PCDHB15: variants seen among roughly 807,000 people sequenced by gnomAD.
PCDHB15 encodes the protein protocadherin beta-15.
For synonymous variants in PCDHB15, 492 were observed against 447.9 expected (o/e 1.10, Z -1.24); for missense variants, 1,032 against 991.7 (o/e 1.04, Z -0.55).
chr5:141,248,109 T>C lies in PCDHB15; in HGVS notation c.*167T>C. On this transcript the variant is annotated 3_prime_UTR_variant, in exon 1 of 1. Coordinates refer to ENST00000231173, the MANE Select transcript of PCDHB15 (RefSeq NM_018935.4). Reference sequence around the variant, plus strand: ...CTTTGTCTGATTGTTAGTTTTCAAATTATTGTATTATTATAAATATTTTAT... The same window carrying C: ...CTTTGTCTGATTGTTAGTTTTCAAACTATTGTATTATTATAAATATTTTAT... 2 of 533,446 alleles carry C rather than the reference T, an allele frequency of 3.7e-6. No individual in the cohort carries two copies. The highest frequency in any genetic ancestry group is 6.8e-5 in the East Asian group (2 of 29,282). 33.0% of individuals were successfully genotyped at this position (533,446 alleles called of 1,614,324 possible).
chr5:141,247,199 C>A lies in PCDHB15; in HGVS notation c.1621C>A (p.Leu541Met), dbSNP rs3096081. 1.9e-6 allele frequency: 3 copies of A among 1,612,346 alleles called. No homozygotes were observed. Among genetic ancestry groups the A allele is most frequent in the Non-Finnish European group, 1.7e-6 (2 of 1,179,740 alleles). The change falls in exon 1 of 1, where the codon CTG (leucine) becomes ATG (methionine). Residue 541 changes from leucine to methionine, a missense_variant. Physicochemically the swap from Leu to Met is conservative, Grantham distance 15 (BLOSUM62 2). Transcript: ENST00000231173. ...CGCCACAGACCGCGGCTTCCCGGCG[C>A]TGAGCAGCGAGGCGCTGGTGCGAGT... ...VGATDRGFPA[L>M]SSEALVRVLV...
rs1554291986 is a variant in PCDHB15, at chr5:141,246,675, C to T, written c.1097C>T (p.Ala366Val). The T allele has an allele frequency of 1.9e-6, 3 of 1,613,954 alleles. No individual in the cohort carries two copies. The highest frequency in any genetic ancestry group is 2.5e-6 in the Non-Finnish European group (3 of 1,180,016). ...GAGAATTCTCCAGAGACAGAAGTGGCCCTGTTTAGGATTAGAGACCGAGAC... is the reference window on the plus strand; with the variant it reads ...GAGAATTCTCCAGAGACAGAAGTGGTCCTGTTTAGGATTAGAGACCGAGAC... ...IPENSPETEV[A>V]LFRIRDRDSG... Residue 366 changes from alanine to valine, a missense_variant, in exon 1 of 1, where the codon GCC becomes GTC. Physicochemically the swap from Ala to Val is moderately conservative, Grantham distance 64 (BLOSUM62 0). Transcript: ENST00000231173.
chr5:141,246,158 C>G lies in PCDHB15; in HGVS notation c.580C>G (p.Leu194Val). ...TRGDGRKYPE[L>V]VLDTELDREE... ...AGGGGATGGCAGGAAATACCCAGAG[C>G]TGGTGCTGGACACAGAACTGGATCG... The change falls in exon 1 of 1, where the codon CTG (leucine) becomes GTG (valine). Residue 194 changes from leucine (L) to valine (V), a missense_variant. Physicochemically the swap from Leu to Val is conservative, Grantham distance 32 (BLOSUM62 1). Coordinates refer to ENST00000231173, the MANE Select transcript of PCDHB15 (RefSeq NM_018935.4). 3.1e-6 allele frequency: 5 copies of G among 1,614,210 alleles called. No homozygotes were observed. The highest frequency in any genetic ancestry group is 4.2e-6 in the Non-Finnish European group (5 of 1,180,040).
chr5:141,246,954 T>C lies in PCDHB15; in HGVS notation c.1376T>C (p.Phe459Ser), dbSNP rs1554292064. Reference sequence around the variant, plus strand: ...TTCACCCAAACCTCCTACACCCTGTTCGTCCGCGAGAACAACAGCCCCGCC... The same window carrying C: ...TTCACCCAAACCTCCTACACCCTGTCCGTCCGCGAGAACAACAGCCCCGCC... ...PAFTQTSYTL[F>S]VRENNSPALH... is the part of the protein sequence containing the mutation. Residue 459 changes from phenylalanine to serine, a missense_variant, in exon 1 of 1, where the codon TTC becomes TCC. Coordinates refer to ENST00000231173, the MANE Select transcript of PCDHB15 (RefSeq NM_018935.4). 2.5e-6 allele frequency: 4 copies of C among 1,613,376 alleles called. No individual in the cohort carries two copies. In the Admixed American group the frequency reaches 6.7e-5, roughly 27 times the overall value.
rs1230398210 is a variant in PCDHB15 at position 141,249,149 on chromosome 5, C to G, written c.*1207C>G. 2 of 152,190 alleles carry G rather than the reference C, an allele frequency of 1.3e-5. No individual in the cohort carries two copies. Among genetic ancestry groups the G allele is most frequent in the African/African-American group, 4.8e-5 (2 of 41,434 alleles). 9.4% of individuals were successfully genotyped at this position (152,190 alleles called of 1,614,324 possible). ...AAATAGGGAGACTCTCCTAGATAAT[C>G]TGGGTGGGTCTATTTCAATCAGTGG... On this transcript the variant is annotated 3_prime_UTR_variant, in exon 1 of 1. Coordinates refer to ENST00000231173, the MANE Select transcript of PCDHB15 (RefSeq NM_018935.4).
Position 141,245,689 on chromosome 5 carries a change from G to A in PCDHB15, c.111G>A (p.Glu37=), listed in dbSNP as rs142630345. 90 of 1,614,224 alleles carry A rather than the reference G, an allele frequency of 5.6e-5. No individual in the cohort carries two copies. The East Asian group carries it at 1.8e-3, about 32-fold the overall frequency. ...AACCCCGTCGCTATTCTGTGATGGA[G>A]GAAACAGAGAGAGGTTCTTTTGTAG... ...GWEPRRYSVM[E]ETERGSFVAN... is the part of the protein sequence containing the mutation. The change falls in exon 1 of 1, where the codon GAG becomes GAA. Residue 37 remains glutamate (E), a synonymous_variant. Coordinates refer to ENST00000231173, the MANE Select transcript of PCDHB15 (RefSeq NM_018935.4).
In PCDHB15 at chr5:141,245,792, G is replaced by C. The variant is rs1218308425; in HGVS notation, c.214G>C (p.Glu72Gln). 6.2e-7 allele frequency: 1 copy of C among 1,614,182 alleles called. No individual in the cohort carries two copies. Among genetic ancestry groups the C allele is most frequent in the Admixed American group, 1.7e-5 (1 of 60,024 alleles). ...AGCCCGGGTAGTTTCTGAGGATAAC[G>C]AACAAGGCTTGCAGCTTGATCTGCA... Reference protein sequence around the residue: ...RGARVVSEDNEQGLQLDLQTG... With the variant: ...RGARVVSEDNQQGLQLDLQTG... Residue 72 changes from glutamate to glutamine, a missense_variant, in exon 1 of 1, where the codon GAA (glutamate) becomes CAA (glutamine). Transcript: ENST00000231173.
In PCDHB15 at chr5:141,245,598, G is replaced by T; in HGVS notation, c.20G>T (p.Arg7Leu). 6.2e-7 allele frequency: 1 copy of T among 1,614,198 alleles called. No individual in the cohort carries two copies. Among genetic ancestry groups the T allele is most frequent in the Non-Finnish European group, 8.5e-7 (1 of 1,180,008 alleles). Residue 7 changes from arginine (R) to leucine (L), a missense_variant, in exon 1 of 1, where the codon CGC becomes CTC. Transcript: ENST00000231173. ...GTAAAGATGGAGCCTGCAGGGGAGCGCTTTCCCGAACAAAGGCAAGTCCTG... is the reference window on the plus strand; with the variant it reads ...GTAAAGATGGAGCCTGCAGGGGAGCTCTTTCCCGAACAAAGGCAAGTCCTG... MEPAGERFPEQRQVLIL... is the reference protein window; with the variant it reads MEPAGELFPEQRQVLIL...
In PCDHB15 at chr5:141,246,551, G is replaced by A; in HGVS notation, c.973G>A (p.Gly325Arg). Residue 325 changes from glycine (G) to arginine (R), a missense_variant, in exon 1 of 1, where the codon GGG becomes AGG. By Grantham distance (125) the Gly-to-Arg change is moderately radical (BLOSUM62 -2). Coordinates refer to ENST00000231173, the MANE Select transcript of PCDHB15 (RefSeq NM_018935.4). ...YDLDIEASDGGGLSGKCSVSV... is the reference protein window; with the variant it reads ...YDLDIEASDGRGLSGKCSVSV... ...TCTAGATATAGAGGCATCTGATGGC[G>A]GGGGACTTTCTGGAAAATGCTCTGT... 3 of 1,614,156 alleles carry A rather than the reference G, an allele frequency of 1.9e-6. No homozygotes were observed. The highest frequency in any genetic ancestry group is 2.5e-6 in the Non-Finnish European group (3 of 1,180,026).
Position 141,246,583 on chromosome 5 carries a change from TAA to T in PCDHB15, c.1006_1007del (p.Lys336GlyfsTer5). 6.2e-7 allele frequency: 1 copy of T among 1,614,204 alleles called. No individual in the cohort carries two copies. Among genetic ancestry groups the T allele is most frequent in the East Asian group, 2.2e-5 (1 of 44,882 alleles). On this transcript the variant is annotated frameshift_variant, in exon 1 of 1. Transcript: ENST00000231173. LOFTEE classifies it low-confidence loss of function (END_TRUNC). ...GLSGKCSVSV[K>X]VLDVNDNFPE... is the part of the protein sequence containing the mutation. ...TTTCTGGAAAATGCTCTGTCTCTGT[TAA>T]GGTGCTGGATGTTAACGATAACTTC...
rs781899701 is a variant in PCDHB15 at position 141,246,875 on chromosome 5, A to C, written c.1297A>C (p.Thr433Pro). Residue 433 changes from threonine to proline, a missense_variant, in exon 1 of 1, where the codon ACC becomes CCC. Thr to Pro is a conservative substitution (Grantham distance 38, BLOSUM62 -1). Transcript: ENST00000231173. ...AGACTTGGGGACTCCAAGGCTGAAA[A>C]CCGAGCAGAGCATAACCGTGCTGGT... Reference protein sequence around the residue: ...ITDLGTPRLKTEQSITVLVSD... With the variant: ...ITDLGTPRLKPEQSITVLVSD... 3.1e-6 allele frequency: 5 copies of C among 1,613,944 alleles called. No individual in the cohort carries two copies. Among genetic ancestry groups the C allele is most frequent in the Non-Finnish European group, 3.4e-6 (4 of 1,180,022 alleles).
rs782527376 is a variant in PCDHB15 at position 141,247,179 on chromosome 5, C to T, written c.1601C>T (p.Thr534Ile). 6.2e-7 allele frequency: 1 copy of T among 1,613,112 alleles called. No homozygotes were observed. The highest frequency in any genetic ancestry group is 1.3e-5 in the African/African-American group (1 of 74,922). Residue 534 changes from threonine to isoleucine, a missense_variant, in exon 1 of 1, where the codon ACA becomes ATA. Transcript: ENST00000231173. ...LQAFEFRVGA[T>I]DRGFPALSSE... ...GCTTTCGAGTTCCGCGTGGGCGCCA[C>T]AGACCGCGGCTTCCCGGCGCTGAGC...
rs539155202 is a variant in PCDHB15, at chr5:141,246,907, C to A, written c.1329C>A (p.Asp443Glu). The A allele has an allele frequency of 1.8e-5, 29 of 1,613,774 alleles. No homozygotes were observed. The South Asian group carries it at 3.1e-4, about 17-fold the overall frequency. The part of the protein sequence containing the change: ...TEQSITVLVS[D>E]VNDNAPAFTQ... Reference sequence around the variant, plus strand: ...AGAGCATAACCGTGCTGGTGTCGGACGTCAATGACAACGCCCCCGCCTTCA... The same window carrying A: ...AGAGCATAACCGTGCTGGTGTCGGAAGTCAATGACAACGCCCCCGCCTTCA... Residue 443 changes from aspartate to glutamate, a missense_variant, in exon 1 of 1, where the codon GAC (aspartate) becomes GAA (glutamate). Physicochemically the swap from Asp to Glu is conservative, Grantham distance 45 (BLOSUM62 2). Transcript: ENST00000231173.
Position 141,247,678 on chromosome 5 carries a change from C to T in PCDHB15, c.2100C>T (p.Leu700=), listed in dbSNP as rs1755314284. ...TGGCATTGGCCTCGGTGTCTTCGCT[C>T]TTCCTCTTCTCGGTGTTCCTGTTCG... is the stretch of plus-strand genomic sequence containing the variant. ...LVVALASVSS[L]FLFSVFLFVA... Residue 700 remains leucine, a synonymous_variant, in exon 1 of 1, where the codon CTC becomes CTT. Transcript: ENST00000231173. 1.2e-6 allele frequency: 2 copies of T among 1,610,838 alleles called. No individual in the cohort carries two copies. Among genetic ancestry groups the T allele is most frequent in the East Asian group, 4.5e-5 (2 of 44,876 alleles).
rs782247168 is a variant in PCDHB15 at position 141,246,351 on chromosome 5, G to T, written c.773G>T (p.Gly258Val). Residue 258 changes from glycine to valine, a missense_variant, in exon 1 of 1, where the codon GGC becomes GTC. Physicochemically the swap from Gly to Val is moderately radical, Grantham distance 109. Transcript: ENST00000231173. ...CAGGTCCCAGAGAACAGCCCAGTAGGCTCCCTAGTTGTCAAGGTCTCTGCT... is the reference window on the plus strand; with the variant it reads ...CAGGTCCCAGAGAACAGCCCAGTAGTCTCCCTAGTTGTCAAGGTCTCTGCT... ...EVQVPENSPV[G>V]SLVVKVSARD... 3.1e-6 allele frequency: 5 copies of T among 1,614,092 alleles called. 1 individual carries two copies. Among genetic ancestry groups the T allele is most frequent in the Middle Eastern group, 1.6e-4 (1 of 6,062 alleles).
Position 141,245,399 on chromosome 5 carries a change from C to T in PCDHB15, c.-180C>T. ...TGAAATGCTACTAGCTACTTCAGAC[C>T]TCTTTCAGCCTAAGAGGAAAGCCTG... is the stretch of plus-strand genomic sequence containing the variant. On this transcript the variant is annotated 5_prime_UTR_variant, in exon 1 of 1. Coordinates refer to ENST00000231173, the MANE Select transcript of PCDHB15 (RefSeq NM_018935.4). 2 of 581,468 alleles carry T rather than the reference C, an allele frequency of 3.4e-6. No homozygotes were observed. The highest frequency in any genetic ancestry group is 2.5e-5 in the South Asian group (1 of 40,346). The allele number at this position is 581,468 out of a possible 1,614,324, so 36.0% of individuals were successfully genotyped here. A position where few individuals can be genotyped will look rare whatever the true frequency, so the allele number is the denominator to read the frequency against.
rs782019589 is a variant in PCDHB15 at position 141,246,908 on chromosome 5, G to C, written c.1330G>C (p.Val444Leu). 5.6e-6 allele frequency: 9 copies of C among 1,613,694 alleles called. No homozygotes were observed. In the African/African-American group the frequency reaches 6.7e-5, roughly 12 times the overall value. Residue 444 changes from valine to leucine, a missense_variant, in exon 1 of 1, where the codon GTC (valine) becomes CTC (leucine). Transcript: ENST00000231173. Reference sequence around the variant, plus strand: ...GAGCATAACCGTGCTGGTGTCGGACGTCAATGACAACGCCCCCGCCTTCAC... The same window carrying C: ...GAGCATAACCGTGCTGGTGTCGGACCTCAATGACAACGCCCCCGCCTTCAC... ...EQSITVLVSD[V>L]NDNAPAFTQT...
Position 141,246,373 on chromosome 5 carries a change from T to C in PCDHB15, c.795T>C (p.Ser265=), listed in dbSNP as rs117739157. The C allele has an allele frequency of 6.2e-7, 1 of 1,614,074 alleles. No individual in the cohort carries two copies. Among genetic ancestry groups the C allele is most frequent in the East Asian group, 2.2e-5 (1 of 44,886 alleles). ...TAGGCTCCCTAGTTGTCAAGGTCTCTGCTAGGGATTTAGACACTGGGACAA... is the reference window on the plus strand; with the variant it reads ...TAGGCTCCCTAGTTGTCAAGGTCTCCGCTAGGGATTTAGACACTGGGACAA... The part of the protein sequence containing the change: ...SPVGSLVVKV[S]ARDLDTGTNG... The change falls in exon 1 of 1, where the codon TCT becomes TCC. Residue 265 remains serine (S), a synonymous_variant. Coordinates refer to ENST00000231173, the MANE Select transcript of PCDHB15 (RefSeq NM_018935.4).
In PCDHB15 at chr5:141,245,622, T is replaced by C; in HGVS notation, c.44T>C (p.Leu15Pro). The stretch of plus-strand genomic sequence containing the variant: ...CGCTTTCCCGAACAAAGGCAAGTCC[T>C]GATTCTCCTTCTTTTACTGGAAGTG... ...GERFPEQRQV[L>P]ILLLLLEVTL... is the part of the protein sequence containing the mutation. The change falls in exon 1 of 1, where the codon CTG becomes CCG. Residue 15 changes from leucine to proline, a missense_variant. Leu to Pro is a moderately conservative substitution (Grantham distance 98). Transcript: ENST00000231173. 3 of 1,614,240 alleles carry C rather than the reference T, an allele frequency of 1.9e-6. No individual in the cohort carries two copies. The highest frequency in any genetic ancestry group is 2.5e-6 in the Non-Finnish European group (3 of 1,180,038).
Sources: allele counts gnomAD v4.1 joint callset, GRCh38; gene constraint gnomAD v4.1.1; transcripts MANE v1.5; gene names NCBI Gene and HGNC (gene_info 2026-07-23, HGNC 2026-07-21).